The following ABI1 variants were observed in gnomAD, a reference collection of about 807,000 sequenced individuals.
ABI1 encodes abl interactor 1.
ABI1 carries 14 observed loss-of-function variants against 54.6 expected under a neutral mutation model. The observed-to-expected ratio is 0.26, with a 90% CI of 0.17 to 0.40. The LOEUF (loss-of-function observed/expected upper bound fraction) is 0.40, where lower values mean the gene tolerates loss of function less well. ABI1 is among the 10% of genes least tolerant of loss of function. The pLI is 1.00. For synonymous variants in ABI1, 194 were observed against 209.3 expected (o/e 0.93, Z 0.63); for missense variants, 443 against 598.3 (o/e 0.74, Z 2.71).
chr10:26,792,980 T>C (rs1363790481), intron 2 of ABI1, among the ~76,000 whole-genome samples: 1 of 152,158 alleles, frequency 6.6e-6, no homozygotes, highest in African/African-American at 2.4e-5. Flanking sequence ...AAGTATGACA[T>C]AGCAACACTA....
intron 8 of ABI1, 115 bp downstream of exon 8, chr10:26,758,947 C>T: frequency 1.8e-6 from 2 of 1,088,234 alleles, no homozygotes; most frequent in Non-Finnish European, 2.6e-6. Flanking sequence ...CAAAAATAAA[C>T]ATGAAACATC....
chr10:26,856,781 ACCAATC>A (rs1188073395), intron 1 of ABI1, among the ~76,000 whole-genome samples: 93 of 152,238 alleles, frequency 6.1e-4, no homozygotes, highest in Admixed American at 3.8e-3. Flanking sequence ...CCCCCAACCT[ACCAATC>A]TGCATCCTGA....
chr10:26,764,040 T>A, intron 7 of ABI1: 1 of 1,108,556 alleles, frequency 9.0e-7, no homozygotes, highest in Non-Finnish European at 1.3e-6. Flanking sequence ...AAGTACAATG[T>A]ATCGGGAAGA....
At chr10:26,774,829 A>G (rs1382520557) in intron 3 of ABI1, among the ~76,000 whole-genome samples, 1 of 151,876 alleles carries the variant, frequency 6.6e-6, no homozygotes, top group Non-Finnish European at 1.5e-5. Flanking sequence ...ATTTAGATAT[A>G]ATTTTTAAAA....
chr10:26,843,867 T>C (rs535765568), intron 1 of ABI1, among the ~76,000 whole-genome samples: 4 of 152,256 alleles, frequency 2.6e-5, no homozygotes, highest in East Asian at 1.9e-4. Context: ...AATTAGCTCA[T>C]ACAAAAGTGA....
intron 2 of ABI1, among the ~76,000 whole-genome samples, chr10:26,817,767 T>A (rs2047670911): frequency 6.6e-6 from 1 of 152,142 alleles, no homozygotes; most frequent in African/African-American, 2.4e-5. Context: ...CTTTTAGATA[T>A]ACAAAAGCTG....
chr10:26,799,708 T>C (rs2046418953), intron 2 of ABI1, among the ~76,000 whole-genome samples: 3 of 152,364 alleles, frequency 2.0e-5, no homozygotes, highest in South Asian at 2.1e-4. Flanking sequence ...AATATACTTA[T>C]TTATGCGTTA....
At chr10:26,855,293 T>G (rs2050715945) in intron 1 of ABI1, among the ~76,000 whole-genome samples, 1 of 152,186 alleles carries the variant, frequency 6.6e-6, no homozygotes, top group South Asian at 2.1e-4. Flanking sequence ...GTTGTTAGGT[T>G]CCCAGGCTTG....
intron 1 of ABI1, among the ~76,000 whole-genome samples, chr10:26,831,532 G>C (rs1314132152): frequency 6.6e-6 from 1 of 152,018 alleles, no homozygotes; most frequent in Non-Finnish European, 1.5e-5. Context: ...GACAAAGCGA[G>C]ACTCTGTCTC....
At chr10:26,821,304 A>T (rs1281745677) in intron 2 of ABI1, among the ~76,000 whole-genome samples, 1 of 151,892 alleles carries the variant, frequency 6.6e-6, no homozygotes, top group East Asian at 1.9e-4. Flanking sequence ...GAAAAGAAAA[A>T]GAAATAATAA....
At chr10:26,858,907 C>G (rs1446595359) in intron 1 of ABI1, among the ~76,000 whole-genome samples, 1 of 152,182 alleles carries the variant, frequency 6.6e-6, no homozygotes, top group Non-Finnish European at 1.5e-5. Flanking sequence ...AAGCACTTAT[C>G]TACTGACTTC....
At chr10:26,808,514 G>A (rs1311660261) in intron 2 of ABI1, among the ~76,000 whole-genome samples, 1 of 151,982 alleles carries the variant, frequency 6.6e-6, no homozygotes, top group African/African-American at 2.4e-5. Flanking sequence ...CTGAGGTCAG[G>A]AGTTCAAGAC....
At chr10:26,848,531 T>C (rs2050158230) in intron 1 of ABI1, among the ~76,000 whole-genome samples, 1 of 151,250 alleles carries the variant, frequency 6.6e-6, no homozygotes, top group East Asian at 1.9e-4. Context: ...TAGTGAAAGG[T>C]GAATTGTACA....
At chr10:26,751,828 A>C (rs1837675400) in intron 9 of ABI1, 45 bp from the exon 10 acceptor site, 1 of 1,513,068 alleles carries the variant, frequency 6.6e-7, no homozygotes, top group African/African-American at 1.4e-5. Flanking sequence ...ATAAGTCTAG[A>C]TGGAAACTTA....
chr10:26,856,716 C>T (rs2050849097), intron 1 of ABI1, among the ~76,000 whole-genome samples: 1 of 152,120 alleles, frequency 6.6e-6, no homozygotes, highest in African/African-American at 2.4e-5. Flanking sequence ...GAAATCCAGA[C>T]AAAAAATAAA....
At chr10:26,808,737 A>C (rs1446606593) in intron 2 of ABI1, among the ~76,000 whole-genome samples, 3 of 152,006 alleles carry the variant, frequency 2.0e-5, no homozygotes, top group Non-Finnish European at 4.4e-5. Context: ...ACAACAACAA[A>C]AAAGGTAACT....
In ABI1 at chr10:26,801,871, A is replaced by G. The variant is rs528186403; in HGVS notation, c.285+21267T>C. Among the ~76,000 whole-genome samples, 13 of 152,362 alleles carry G rather than the reference A, an allele frequency of 8.5e-5. No individual in the cohort carries two copies. In the South Asian group the frequency reaches 2.3e-3, roughly 27 times the overall value. ...ATGGGAATAGAGCAATGACCATAAT[A>G]GACCTCCTATGGAAGGCACATACCG... On this transcript the variant is annotated intron_variant, in intron 2 of 10. Transcript: ENST00000376140.
At chr10:26,821,730 C>A (rs566870134) in intron 2 of ABI1, among the ~76,000 whole-genome samples, 2 of 148,578 alleles carry the variant, frequency 1.3e-5, no homozygotes, top group African/African-American at 5.0e-5. Context: ...ACCCAGGAGG[C>A]GAAGGATGCA....
chr10:26,759,377 A>G (rs1838798801), intron 7 of ABI1, 139 bp from the exon 8 acceptor site: 1 of 615,426 alleles, frequency 1.6e-6, no homozygotes, highest in Non-Finnish European at 2.5e-6. Context: ...ATAAAGAGAA[A>G]AGTAAAGATA....
Sources: gnomAD v4.1 joint callset for allele counts (sites outside exome capture counted in the v4.1 genomes callset) on GRCh38, gnomAD v4.1.1 for gene constraint, MANE v1.5 for transcripts, NCBI Gene and HGNC (gene_info 2026-07-23, HGNC 2026-07-21) for gene names.